TBCB: variants seen among roughly 807,000 people sequenced by gnomAD.
The protein encoded by TBCB is tubulin-folding cofactor B.
In TBCB, 18 loss-of-function variants were observed where a neutral mutation model predicts 29.2. That is an observed-to-expected ratio of 0.62 (90% CI 0.43 to 0.91). The LOEUF (loss-of-function observed/expected upper bound fraction) is 0.91. TBCB is among the 40% of genes least tolerant of loss of function. TBCB has a pLI of 0.00. For synonymous variants in TBCB, 172 were observed against 137.8 expected (o/e 1.25, Z -1.74); for missense variants, 336 against 337.6 (o/e 1.00, Z 0.04).
intron 2 of TBCB, chr19:36,118,484 C>T (rs2145906905): frequency 6.6e-6 from 1 of 152,090 alleles, no homozygotes; most frequent in South Asian, 2.1e-4. Flanking sequence ...CACTTAAGGT[C>T]AGGAGTTCGA....
upstream of TBCB, chr19:36,115,388 G>C: frequency 1.7e-6 from 1 of 599,478 alleles, no homozygotes; most frequent in South Asian, 2.0e-5. Flanking sequence ...TCTTCCTGGC[G>C]GTGGGGAAGG....
intron 2 of TBCB, 122 bp downstream of exon 2, chr19:36,116,306 G>A: frequency 7.5e-7 from 1 of 1,332,826 alleles, no homozygotes; most frequent in Non-Finnish European, 1.0e-6. Flanking sequence ...GGAGCCTCCA[G>A]TGCAGCCTGA....
upstream of TBCB, chr19:36,115,420 C>T: frequency 1.5e-6 from 1 of 647,712 alleles, no homozygotes; most frequent in African/African-American, 1.9e-5. Context: ...TTGGCGGACG[C>T]TCCTGGCAGG....
intron 2 of TBCB, among the ~76,000 whole-genome samples, chr19:36,119,142 C>A (rs1974003645): frequency 6.6e-6 from 1 of 152,212 alleles, no homozygotes; most frequent in Admixed American, 6.5e-5. Flanking sequence ...GGAAGGTGTT[C>A]CAGAGTGGAG....
rs147974947 is a variant in TBCB, at chr19:36,120,099, T to C, written c.259-611T>C. ...GGGAAGCCTACCCTCCCATGCTCCT[T>C]AAGCCTCTTCCCTGTCATATTTTTC... On this transcript the variant is annotated intron_variant, in intron 2 of 5. Transcript: ENST00000221855. Among the ~76,000 whole-genome samples the C allele has an allele frequency of 1.1e-3, 173 of 152,242 alleles. 1 individual carries two copies. Among genetic ancestry groups the C allele is most frequent in the African/African-American group, 4.1e-3 (171 of 41,554 alleles).
intron 4 of TBCB, among the ~76,000 whole-genome samples, chr19:36,125,046 C>CA (rs1974114533): frequency 1.3e-5 from 2 of 152,092 alleles, no homozygotes; most frequent in Admixed American, 6.6e-5. Flanking sequence ...AGTTTGCTAA[C>CA]AAAGTACCAC....
chr19:36,121,668 A>T lies in TBCB; in HGVS notation c.497A>T (p.Glu166Val). ...ASSIPVGSRC[E>V]VRAAGQSPRR... ...TCCATCCCCGTGGGCAGCCGCTGTG[A>T]GGTGCGGGCGGCGGGACAATCCCCT... is the stretch of plus-strand genomic sequence containing the variant. The change falls in exon 4 of 6, where the codon GAG becomes GTG. Residue 166 changes from glutamate to valine, a missense_variant. By Grantham distance (121) the Glu-to-Val change is moderately radical. Transcript: ENST00000221855. 1 of 1,563,216 alleles carries T rather than the reference A, an allele frequency of 6.4e-7. No homozygotes were observed. The highest frequency in any genetic ancestry group is 1.9e-5 in the Admixed American group (1 of 53,068).
chr19:36,121,794 C>A, intron 4 of TBCB, 76 bp downstream of exon 4: 1 of 1,527,574 alleles, frequency 6.5e-7, no homozygotes, highest in Non-Finnish European at 8.9e-7. Flanking sequence ...ACAGTGGAGC[C>A]TCGGAGACCA....
chr19:36,125,406 C>T lies in TBCB; in HGVS notation c.548-45C>T, dbSNP rs779768883. On this transcript the variant is annotated intron_variant, in intron 4 of 5. Coordinates refer to ENST00000221855, the MANE Select transcript of TBCB (RefSeq NM_001281.3). ...TGATCCTGAAATTTCATGGGGATTT[C>T]TTCTATGTCCAGAAGCTTCACAGGG... The T allele has an allele frequency of 2.5e-6, 4 of 1,604,580 alleles. No individual in the cohort carries two copies. The Admixed American group carries it at 5.0e-5, about 20-fold the overall frequency.
upstream of TBCB, chr19:36,115,104 TG>T: frequency 1.7e-6 from 1 of 584,000 alleles, no homozygotes; most frequent in East Asian, 2.9e-5. Flanking sequence ...CAGAATAGTA[TG>T]GATCTGGTGC....
upstream of TBCB, chr19:36,115,023 A>G: frequency 1.5e-6 from 1 of 657,302 alleles, no homozygotes; most frequent in South Asian, 1.8e-5. Context: ...CAGAGGTTTC[A>G]TGGCTTGCTT....
intron 3 of TBCB, 79 bp downstream of exon 3, chr19:36,120,885 G>C: frequency 7.1e-7 from 1 of 1,409,442 alleles, no homozygotes; most frequent in Non-Finnish European, 9.9e-7. Context: ...AGGTTAGACA[G>C]GGCCCCTGCA....
intron 2 of TBCB, among the ~76,000 whole-genome samples, chr19:36,120,324 C>G (rs1974023477): frequency 6.6e-6 from 1 of 152,162 alleles, no homozygotes; most frequent in South Asian, 2.1e-4. Flanking sequence ...AAGAGATGCT[C>G]TGGGGCCTGA....
chr19:36,117,631 C>G (rs2145906403), intron 2 of TBCB, among the ~76,000 whole-genome samples: 1 of 152,214 alleles, frequency 6.6e-6, no homozygotes, highest in East Asian at 1.9e-4. Context: ...GGATTACAGG[C>G]ATGAGCCACC....
Position 36,121,642 on chromosome 19 carries a change from C to A in TBCB, c.471C>A (p.Ser157Arg), listed in dbSNP as rs990818903. 1 of 1,558,858 alleles carries A rather than the reference C, an allele frequency of 6.4e-7. No homozygotes were observed. Residue 157 changes from serine to arginine, a missense_variant, in exon 4 of 6, where the codon AGC (serine) becomes AGA (arginine). Transcript: ENST00000221855. ...TGGCCGAGGAGAAGGCCCAGGCCAG[C>A]TCCATCCCCGTGGGCAGCCGCTGTG... is the stretch of plus-strand genomic sequence containing the variant. Reference protein sequence around the residue: ...QRLAEEKAQASSIPVGSRCEV... With the variant: ...QRLAEEKAQARSIPVGSRCEV...
At chr19:36,115,734 A>AG (rs2059757318) in intron 1 of TBCB, 60 bp downstream of exon 1, 42 of 276,860 alleles carry the variant, frequency 1.5e-4, no homozygotes, top group South Asian at 4.7e-4. Flanking sequence ...GGTTCCCGGA[A>AG]GGGGGAGGCT....
At chr19:36,115,720 G>C (rs201239089) in intron 1 of TBCB, 46 bp downstream of exon 1, 4 of 1,445,370 alleles carry the variant, frequency 2.8e-6, no homozygotes, top group Non-Finnish European at 3.8e-6. Flanking sequence ...CGAAGAAATT[G>C]GGGGGTTCCC....
intron 1 of TBCB, 35 bp from the exon 2 acceptor site, chr19:36,116,006 G>A: frequency 6.2e-7 from 1 of 1,601,906 alleles, no homozygotes; most frequent in Non-Finnish European, 8.5e-7. Context: ...GGGCCTCCGT[G>A]GCCTCCTTCT....
intron 2 of TBCB, among the ~76,000 whole-genome samples, chr19:36,119,360 C>T (rs547256831): frequency 4.6e-5 from 7 of 152,226 alleles, no homozygotes; most frequent in Non-Finnish European, 8.8e-5. Context: ...TCCTTGGGCC[C>T]GCTCTCTCCC....
Sources: gnomAD v4.1 joint callset for allele counts (sites outside exome capture counted in the v4.1 genomes callset) on GRCh38, gnomAD v4.1.1 for gene constraint, MANE v1.5 for transcripts, NCBI Gene and HGNC (gene_info 2026-07-23, HGNC 2026-07-21) for gene names.